SS18: variants seen among roughly 807,000 people sequenced by gnomAD.
SS18 encodes protein SSXT.
In SS18, 28 loss-of-function variants were observed where a neutral mutation model predicts 72.5. The ratio of observed to expected loss-of-function variants is 0.39; its 90% CI spans 0.29 to 0.53. SS18 has a LOEUF of 0.53. SS18 is among the 20% of genes least tolerant of loss of function. SS18 has a pLI of 0.76. For missense variants in SS18, 518 were observed against 535.3 expected, an observed-to-expected ratio of 0.97 and a Z score of 0.32; for synonymous variants, 172 against 164.2, an observed-to-expected ratio of 1.05 and a Z score of -0.37.
intron 2 of SS18, among the ~76,000 whole-genome samples, chr18:26,084,985 C>T (rs1351102809): frequency 2.6e-5 from 4 of 152,072 alleles, no homozygotes; most frequent in Non-Finnish European, 4.4e-5. Context: ...TTAGGAAATA[C>T]ACACTGAGGT....
At chr18:26,055,391 C>T (rs1276202589) in intron 4 of SS18, among the ~76,000 whole-genome samples, 2 of 151,768 alleles carry the variant, frequency 1.3e-5, no homozygotes, top group Non-Finnish European at 2.9e-5. Flanking sequence ...CGCTTGAACC[C>T]GGGAGGCAGA....
chr18:26,043,162 C>T (rs1263788656), intron 5 of SS18, among the ~76,000 whole-genome samples: 4 of 152,100 alleles, frequency 2.6e-5, no homozygotes. Context: ...CATCAAGGAC[C>T]TTACCCAAAG....
chr18:26,090,356 G>A, intron 1 of SS18, 145 bp downstream of exon 1: 2 of 764,434 alleles, frequency 2.6e-6, no homozygotes, highest in Non-Finnish European at 4.4e-6. Flanking sequence ...GGCACAGCCA[G>A]CAGTCCGTGT....
At chr18:26,045,437 T>C (rs1324239851) in intron 5 of SS18, among the ~76,000 whole-genome samples, 2 of 152,188 alleles carry the variant, frequency 1.3e-5, no homozygotes, top group African/African-American at 2.4e-5. Context: ...CTCCAGTGCA[T>C]ACTTGCTGTT....
intron 5 of SS18, among the ~76,000 whole-genome samples, chr18:26,048,140 C>T (rs2055589): frequency 0.058 from 8,877 of 152,262 alleles, 708 homozygotes; most frequent in African/African-American, 0.18. Flanking sequence ...GTAAAGTAAG[C>T]ATTTTATATG....
intron 2 of SS18, among the ~76,000 whole-genome samples, chr18:26,080,577 A>G (rs1447752856): frequency 1.3e-5 from 2 of 152,240 alleles, no homozygotes; most frequent in Non-Finnish European, 2.9e-5. Flanking sequence ...TTTAAAATCT[A>G]TAAACCCAGG....
chr18:26,060,985 C>T (rs2054114137), intron 3 of SS18, among the ~76,000 whole-genome samples: 1 of 146,946 alleles, frequency 6.8e-6, no homozygotes, highest in Non-Finnish European at 1.5e-5. Context: ...TATGGAGTTA[C>T]TAAAGACTTA....
chr18:26,060,770 C>CCAAAAAAAAAAAAAAAAA (rs2054105622), intron 3 of SS18, among the ~76,000 whole-genome samples: 1 of 5,734 alleles, frequency 1.7e-4, no homozygotes, highest in African/African-American at 3.4e-4. Context: ...ACTAAAAATA[C>CCAAAAAAAAAAAAAAAAA]CAAAAAAAAA....
At chr18:26,077,994 T>G in intron 3 of SS18, 82 bp downstream of exon 3, 2 of 1,013,798 alleles carry the variant, frequency 2.0e-6, no homozygotes, top group Non-Finnish European at 3.0e-6. Flanking sequence ...TAAACAAAAC[T>G]TAAAAATCAT....
rs770361114 is a variant in SS18 at position 26,035,895 on chromosome 18, C to T, written c.909G>A (p.Pro303=). Residue 303 remains proline (P), a synonymous_variant, in exon 8 of 11, where the codon CCG becomes CCA. Coordinates refer to ENST00000415083, the MANE Select transcript of SS18 (RefSeq NM_001007559.3). This position sits in a 1 kb window ranked among gnomAD's most constrained non-coding sequence, Gnocchi z 4.4. ...TATCGTAGCCTTGTTCAGGATACGA[C>T]GGTTGCTGATAACCGTAATCATTAT... ...DGHNDYGYQQ[P]SYPEQGYDRP... is the part of the protein sequence containing the mutation. The T allele has an allele frequency of 3.7e-6, 6 of 1,601,186 alleles. No homozygotes were observed. Among genetic ancestry groups the T allele is most frequent in the African/African-American group, 1.3e-5 (1 of 74,842 alleles).
At chr18:26,071,725 G>C (rs1301685377) in intron 3 of SS18, among the ~76,000 whole-genome samples, 1 of 152,120 alleles carries the variant, frequency 6.6e-6, no homozygotes, top group Non-Finnish European at 1.5e-5. Flanking sequence ...CTTCTCAGGA[G>C]GCTATGGCAG....
intron 5 of SS18, among the ~76,000 whole-genome samples, chr18:26,045,646 C>T (rs1417250577): frequency 6.6e-6 from 1 of 152,034 alleles, no homozygotes; most frequent in Non-Finnish European, 1.5e-5. Context: ...AACTTACTAG[C>T]ATTTCCCAAA....
intron 2 of SS18, chr18:26,082,399 C>T (rs1215316354): frequency 5.2e-6 from 5 of 959,440 alleles, no homozygotes; most frequent in Non-Finnish European, 5.0e-6. Flanking sequence ...AACGGGAATG[C>T]ACTTTATAGA....
chr18:26,061,430 T>G (rs1010582633), intron 3 of SS18, among the ~76,000 whole-genome samples: 3 of 152,112 alleles, frequency 2.0e-5, no homozygotes, highest in Admixed American at 6.5e-5. Context: ...ATCACTGAAA[T>G]TAAGAAATCA....
chr18:26,018,018 C>T lies in SS18; in HGVS notation c.*336G>A, dbSNP rs1159771569. ...TGTGGAAAAGTATTAAATTCCCTTA[C>T]CCTTCATAAACATACAAAGCTGTTC... On this transcript the variant is annotated 3_prime_UTR_variant, in exon 11 of 11. Coordinates refer to ENST00000415083, the MANE Select transcript of SS18 (RefSeq NM_001007559.3). 3.9e-6 allele frequency: 1 copy of T among 257,880 alleles called. No individual in the cohort carries two copies. Among genetic ancestry groups the T allele is most frequent in the Non-Finnish European group, 7.4e-6 (1 of 134,456 alleles). 16.0% of individuals were successfully genotyped at this position (257,880 alleles called of 1,614,324 possible). A position where few individuals can be genotyped will look rare whatever the true frequency, so the allele number is the denominator to read the frequency against.
At chr18:26,023,496 G>GA (rs1170499770) in intron 10 of SS18, 10 of 403,684 alleles carry the variant, frequency 2.5e-5, no homozygotes, top group South Asian at 1.4e-4. Context: ...TAAAAACAGA[G>GA]AAAAAAGACA....
intron 9 of SS18, among the ~76,000 whole-genome samples, chr18:26,034,074 A>G (rs1567994051): frequency 6.6e-6 from 1 of 152,170 alleles, no homozygotes; most frequent in South Asian, 2.1e-4. Flanking sequence ...AGAACTTGAC[A>G]TTTTTAGAAA....
chr18:26,090,617 C>T (rs2054710112), upstream of SS18: 3 of 1,537,832 alleles, frequency 2.0e-6, no homozygotes, highest in African/African-American at 2.7e-5. Context: ...TCCGGGTGAA[C>T]GGCAAACTGG....
At chr18:26,067,584 C>T (rs1226554443) in intron 3 of SS18, among the ~76,000 whole-genome samples, 1 of 152,056 alleles carries the variant, frequency 6.6e-6, no homozygotes, top group Non-Finnish European at 1.5e-5. Flanking sequence ...TTAGATGGAA[C>T]ACCTGAAGTC....
Sources: gnomAD v4.1 joint callset for allele counts (sites outside exome capture counted in the v4.1 genomes callset) on GRCh38, gnomAD v4.1.1 for gene constraint, Gnocchi (gnomAD v3.1) non-coding constraint, MANE v1.5 for transcripts, NCBI Gene and HGNC (gene_info 2026-07-23, HGNC 2026-07-21) for gene names.